Variants in FANCC observed in about 807,000 individuals in gnomAD.
FANCC encodes the protein Fanconi anemia group C protein.
Under a neutral mutation model 71.3 loss-of-function variants are expected in FANCC, and 55 were observed. The ratio of observed to expected loss-of-function variants is 0.77; its 90% CI spans 0.62 to 0.97. The LOEUF (loss-of-function observed/expected upper bound fraction) is 0.97, where lower values mean the gene tolerates loss of function less well. Ranked by LOEUF, FANCC falls within the 50% of genes least tolerant of loss-of-function variation. The pLI, the probability that FANCC is intolerant of heterozygous loss-of-function variation, is 0.00. For synonymous variants in FANCC, 275 were observed against 244.9 expected (o/e 1.12, Z -1.15); for missense variants, 678 against 670.9 (o/e 1.01, Z -0.12).
chr9:95,154,609 A>T (rs1303277494), intron 6 of FANCC, among the ~76,000 whole-genome samples: 1 of 152,198 alleles, frequency 6.6e-6, no homozygotes, highest in Non-Finnish European at 1.5e-5. Flanking sequence ...TCCACAATAC[A>T]CCATCCTTAT....
intron 1 of FANCC, among the ~76,000 whole-genome samples, chr9:95,286,188 A>G (rs1449124641): frequency 6.6e-6 from 1 of 152,236 alleles, no homozygotes; most frequent in African/African-American, 2.4e-5. Flanking sequence ...TTCTTTGTGT[A>G]ATGCCAGATT....
chr9:95,134,597 G>A (rs1033717646), intron 8 of FANCC, among the ~76,000 whole-genome samples: 3 of 152,226 alleles, frequency 2.0e-5, no homozygotes, highest in Non-Finnish European at 4.4e-5. Context: ...AGAGGCTGCG[G>A]GACCATGGCA....
At chr9:95,198,124 C>T (rs1258108330) in intron 4 of FANCC, among the ~76,000 whole-genome samples, 2 of 152,134 alleles carry the variant, frequency 1.3e-5, no homozygotes, top group Non-Finnish European at 2.9e-5. Flanking sequence ...AGGAGTGAGA[C>T]ACACGTCATG....
At chr9:95,110,402 TA>T in intron 13 of FANCC, 1 of 1,024,414 alleles carries the variant, frequency 9.8e-7, no homozygotes, top group East Asian at 6.4e-5. Flanking sequence ...TTATTACTGT[TA>T]AAAACATCAA....
At chr9:95,303,317 C>T (rs901012591) in intron 1 of FANCC, among the ~76,000 whole-genome samples, 2 of 152,174 alleles carry the variant, frequency 1.3e-5, no homozygotes, top group African/African-American at 4.8e-5. Context: ...TGTGCTAACT[C>T]ACAAAGGGTG....
intron 1 of FANCC, among the ~76,000 whole-genome samples, chr9:95,291,334 T>C (rs986466010): frequency 1.3e-5 from 2 of 150,718 alleles, no homozygotes; most frequent in African/African-American, 4.9e-5. Context: ...CAAATTCCAC[T>C]AAAAAAAAAC....
Position 95,114,699 on chromosome 9 carries a change from C to T in FANCC, c.1084G>A (p.Gly362Arg). 1.2e-6 allele frequency: 2 copies of T among 1,614,046 alleles called. No individual in the cohort carries two copies. Among genetic ancestry groups the T allele is most frequent in the Non-Finnish European group, 1.7e-6 (2 of 1,179,984 alleles). ...LLQDPQDIPRGHWLQTLKHIS... is the reference protein window; with the variant it reads ...LLQDPQDIPRRHWLQTLKHIS... ...TGCTTCAGTGTCTGGAGCCAGTGTC[C>T]CCGAGGGATATCTGCGGGTGGAGAG... The change falls in exon 12 of 15, where the codon GGA becomes AGA. Residue 362 changes from glycine (G) to arginine (R), a missense_variant. Physicochemically the swap from Gly to Arg is moderately radical, Grantham distance 125. Transcript: ENST00000289081.
intron 1 of FANCC, among the ~76,000 whole-genome samples, chr9:95,284,627 T>C (rs759160754): frequency 4.5e-4 from 68 of 152,248 alleles, no homozygotes; most frequent in Middle Eastern, 6.8e-3. Context: ...TAACTTGAAA[T>C]CCAAACATAT....
chr9:95,311,130 G>C (rs1835371332), intron 1 of FANCC, among the ~76,000 whole-genome samples: 1 of 150,682 alleles, frequency 6.6e-6, no homozygotes, highest in Admixed American at 6.7e-5. Context: ...TGTAGTCCCA[G>C]CTACTCAGGA....
At chr9:95,203,378 CAAAAAAAAA>C (rs55960295) in intron 4 of FANCC, among the ~76,000 whole-genome samples, 1 of 104,672 alleles carries the variant, frequency 9.6e-6, no homozygotes, top group Non-Finnish European at 1.8e-5. Context: ...GACCCTGTCT[CAAAAAAAAA>C]AAAAAAAAAC....
intron 1 of FANCC, among the ~76,000 whole-genome samples, chr9:95,251,507 G>A (rs775120989): frequency 2.0e-5 from 3 of 151,850 alleles, no homozygotes; most frequent in Non-Finnish European, 4.4e-5. Flanking sequence ...GTAGAGACGG[G>A]GTCTCACCAT....
At chr9:95,234,257 G>C (rs994010393) in intron 4 of FANCC, among the ~76,000 whole-genome samples, 3 of 152,148 alleles carry the variant, frequency 2.0e-5, no homozygotes, top group African/African-American at 7.2e-5. Flanking sequence ...AAATAAATTT[G>C]TACAACTTTT....
intron 13 of FANCC, among the ~76,000 whole-genome samples, chr9:95,108,830 T>G (rs558094525): frequency 6.6e-6 from 1 of 152,304 alleles, no homozygotes; most frequent in South Asian, 2.1e-4. Context: ...ACATAATGCC[T>G]TGTATCTTTC....
At chr9:95,245,109 ATTTC>A (rs1274773136) in intron 3 of FANCC, among the ~76,000 whole-genome samples, 1 of 152,192 alleles carries the variant, frequency 6.6e-6, no homozygotes, top group Non-Finnish European at 1.5e-5. Context: ...AGGACGTAAT[ATTTC>A]TTTCTTTCTA....
chr9:95,167,151 G>A (rs1825353788), intron 6 of FANCC, among the ~76,000 whole-genome samples: 1 of 151,952 alleles, frequency 6.6e-6, no homozygotes, highest in Admixed American at 6.6e-5. Context: ...ACTCCTTTCT[G>A]GCCTGTAATA....
At chr9:95,167,043 T>C (rs1825346093) in intron 6 of FANCC, among the ~76,000 whole-genome samples, 1 of 152,184 alleles carries the variant, frequency 6.6e-6, no homozygotes, top group East Asian at 1.9e-4. Flanking sequence ...TTTTTCTTCA[T>C]TTTTTGAAGG....
At chr9:95,284,773 T>C (rs1305977477) in intron 1 of FANCC, among the ~76,000 whole-genome samples, 1 of 151,758 alleles carries the variant, frequency 6.6e-6, no homozygotes, top group African/African-American at 2.4e-5. Flanking sequence ...AAAGATTAAA[T>C]GAGATAAATA....
intron 4 of FANCC, among the ~76,000 whole-genome samples, chr9:95,226,573 A>C (rs1490622427): frequency 6.6e-6 from 1 of 152,188 alleles, no homozygotes; most frequent in African/African-American, 2.4e-5. Context: ...CCTTTCGCAC[A>C]TTCTAGTGAC....
At chr9:95,287,415 A>G (rs946129113) in intron 1 of FANCC, among the ~76,000 whole-genome samples, 1 of 152,162 alleles carries the variant, frequency 6.6e-6, no homozygotes, top group African/African-American at 2.4e-5. Flanking sequence ...TTCCTCCCTC[A>G]AGTCTCTCTA....
Sources: allele counts gnomAD v4.1 joint callset (sites outside exome capture counted in the v4.1 genomes callset), GRCh38; gene constraint gnomAD v4.1.1; transcripts MANE v1.5; gene names NCBI Gene and HGNC (gene_info 2026-07-23, HGNC 2026-07-21).